DAAM1: variants seen among roughly 807,000 people sequenced by gnomAD.
DAAM1 encodes dishevelled associated activator of morphogenesis 1.
DAAM1 carries 52 observed loss-of-function variants against 130.0 expected under a neutral mutation model. The ratio of observed to expected loss-of-function variants is 0.40; its 90% confidence interval spans 0.32 to 0.50. The LOEUF (loss-of-function observed/expected upper bound fraction) is 0.50. DAAM1 is among the 20% of genes least tolerant of loss of function. The probability of loss-of-function intolerance (pLI) is 0.61; values close to 1 mark genes in which losing one functional copy is unlikely to be tolerated. For synonymous variants in DAAM1, 452 were observed against 444.5 expected, an observed-to-expected ratio of 1.02 and a Z score of -0.21; for missense variants, 1,134 against 1,303.8, an observed-to-expected ratio of 0.87 and a Z score of 2.01.
chr14:59,208,805 T>C (rs1482379304), intron 1 of DAAM1, among the ~76,000 whole-genome samples: 1 of 152,172 alleles, frequency 6.6e-6, no homozygotes, highest in Non-Finnish European at 1.5e-5. Context: ...ACCATCCCCT[T>C]GGTGACGAGT....
At chr14:59,254,788 C>T (rs567722925) in intron 1 of DAAM1, among the ~76,000 whole-genome samples, 79 of 152,326 alleles carry the variant, frequency 5.2e-4, no homozygotes, top group Non-Finnish European at 9.6e-4. Context: ...TATGGTATTA[C>T]GTGACACAGA....
chr14:59,354,062 A>AT (rs10713024), intron 19 of DAAM1, 98 bp downstream of exon 19: 13,651 of 881,084 alleles, frequency 0.015, 61 homozygotes, highest in African/African-American at 0.052. Flanking sequence ...CCCCTTGGTG[A>AT]TTTTTTTTTT....
chr14:59,280,867 G>A (rs185837430), intron 2 of DAAM1, among the ~76,000 whole-genome samples: 1 of 152,152 alleles, frequency 6.6e-6, no homozygotes, highest in Admixed American at 6.5e-5. Context: ...GTGATCAGAG[G>A]TAATAGTTTT....
chr14:59,228,122 TAAGGG>T lies in DAAM1; in HGVS notation c.-37-35315_-37-35311del, dbSNP rs943657057. Among the ~76,000 whole-genome samples, 10 of 152,220 alleles carry T rather than the reference TAAGGG, an allele frequency of 6.6e-5. 1 individual carries two copies. The highest frequency in any genetic ancestry group is 2.4e-4 in the African/African-American group (10 of 41,548). ...ACCACTTTTTTTTTCTTCTAAATCTTAAGGGAAGAAAAAAAATCATAGGCTGTAAT... is the reference window on the plus strand; with the variant it reads ...ACCACTTTTTTTTTCTTCTAAATCTTAAGAAAAAAAATCATAGGCTGTAAT... On this transcript the variant is annotated intron_variant, in intron 1 of 24. Coordinates refer to ENST00000360909, the MANE Select transcript of DAAM1 (RefSeq NM_001270520.2).
Position 59,209,102 on chromosome 14 carries a change from T to A in DAAM1, c.-38+20334T>A, listed in dbSNP as rs1375332759. 3.3e-5 allele frequency among the ~76,000 whole-genome samples: 5 copies of A among 152,366 alleles called. No individual in the cohort carries two copies. The East Asian group carries it at 9.6e-4, about 29-fold the overall frequency. The stretch of plus-strand genomic sequence containing the variant: ...TCCCAATACAGGCATGAAGCTTAGT[T>A]GCGCATGTGCATGTTTCTCCTTTCA... On this transcript the variant is annotated intron_variant, in intron 1 of 24. Coordinates refer to ENST00000360909, the MANE Select transcript of DAAM1 (RefSeq NM_001270520.2).
At chr14:59,300,773 G>A (rs994008840) in intron 3 of DAAM1, among the ~76,000 whole-genome samples, 7 of 151,980 alleles carry the variant, frequency 4.6e-5, no homozygotes, top group South Asian at 2.1e-4. Flanking sequence ...AACTCCATGC[G>A]CATTTATTCC....
intron 3 of DAAM1, among the ~76,000 whole-genome samples, chr14:59,305,285 C>T (rs1024409694): frequency 6.6e-5 from 10 of 152,196 alleles, no homozygotes; most frequent in Non-Finnish European, 5.9e-5. Flanking sequence ...GTCATAGGCA[C>T]AGTGCCTGCC....
At chr14:59,225,504 C>T (rs1227580277) in intron 1 of DAAM1, among the ~76,000 whole-genome samples, 1 of 152,238 alleles carries the variant, frequency 6.6e-6, no homozygotes, top group Admixed American at 6.5e-5. Flanking sequence ...CAAGTTGGGA[C>T]TTGAGCCTCC....
intron 1 of DAAM1, among the ~76,000 whole-genome samples, chr14:59,195,332 A>G (rs1391864123): frequency 6.6e-6 from 1 of 151,772 alleles, no homozygotes; most frequent in African/African-American, 2.4e-5. Context: ...TTTAGTAGAG[A>G]TGGGGTTTCA....
intron 2 of DAAM1, among the ~76,000 whole-genome samples, chr14:59,277,928 C>A (rs1170926792): frequency 6.6e-6 from 1 of 152,134 alleles, no homozygotes; most frequent in East Asian, 1.9e-4. Flanking sequence ...ACCCTCCCCT[C>A]CCCTGTGGAT....
chr14:59,357,710 A>G (rs888166071), intron 20 of DAAM1, among the ~76,000 whole-genome samples: 2 of 152,122 alleles, frequency 1.3e-5, no homozygotes, highest in Non-Finnish European at 2.9e-5. Flanking sequence ...CCCAGAAGGC[A>G]GAGGTTGCAG....
Position 59,353,919 on chromosome 14 carries a change from A to C in DAAM1, c.2311A>C (p.Lys771Gln). 1 of 1,614,138 alleles carries C rather than the reference A, an allele frequency of 6.2e-7. No homozygotes were observed. Among genetic ancestry groups the C allele is most frequent in the Non-Finnish European group, 8.5e-7 (1 of 1,179,986 alleles). Residue 771 changes from lysine (K) to glutamine (Q), a missense_variant, in exon 19 of 25, where the codon AAG becomes CAG. By Grantham distance (53) the Lys-to-Gln change is moderately conservative. This residue lies in a region of DAAM1 where 644 missense variants were observed against 695.9 expected (regional missense o/e 0.93). Coordinates refer to ENST00000360909, the MANE Select transcript of DAAM1 (RefSeq NM_001270520.2). ...AAGGTTGCAATCGCTGTACTTCAAA[A>C]AGAAGTTTGCAGAGCGTGTGGCAGA... The part of the protein sequence containing the change: ...QQRLQSLYFK[K>Q]KFAERVAEVK...
At chr14:59,366,528 T>A (rs563931074) in intron 23 of DAAM1, among the ~76,000 whole-genome samples, 1 of 152,322 alleles carries the variant, frequency 6.6e-6, no homozygotes, top group South Asian at 2.1e-4. Flanking sequence ...CTGCTGAGTT[T>A]GCTATTAGTT....
intron 2 of DAAM1, among the ~76,000 whole-genome samples, chr14:59,284,219 G>T (rs1408820877): frequency 1.3e-5 from 2 of 152,082 alleles, no homozygotes; most frequent in Non-Finnish European, 1.5e-5. Context: ...GAGGTTATTA[G>T]GACATAAGTG....
intron 16 of DAAM1, among the ~76,000 whole-genome samples, chr14:59,340,393 A>G (rs1885798920): frequency 6.6e-6 from 1 of 152,146 alleles, no homozygotes; most frequent in African/African-American, 2.4e-5. Flanking sequence ...TTTAATTTCC[A>G]CAGACCTCTA....
intron 1 of DAAM1, among the ~76,000 whole-genome samples, chr14:59,252,828 A>G (rs890448091): frequency 4.6e-5 from 7 of 152,204 alleles, no homozygotes; most frequent in Admixed American, 3.3e-4. Flanking sequence ...GAGACAGAGC[A>G]TCTCATTTAA....
At chr14:59,284,789 A>G (rs1052841314) in intron 2 of DAAM1, among the ~76,000 whole-genome samples, 1 of 152,164 alleles carries the variant, frequency 6.6e-6, no homozygotes, top group African/African-American at 2.4e-5. Context: ...GAATGTAAAA[A>G]AAGAATGAAA....
chr14:59,272,636 C>T (rs61986050), intron 2 of DAAM1, among the ~76,000 whole-genome samples: 21 of 118,878 alleles, frequency 1.8e-4, no homozygotes, highest in Non-Finnish European at 2.8e-4. Flanking sequence ...CACACATACA[C>T]ACATATATAT....
In DAAM1 at chr14:59,369,701, A is replaced by T. The variant is rs1411315433; in HGVS notation, c.*842A>T. ...GATATATAAACCTTAAAAATAATAAAATATCTCACCCAAGACTTAAAGGAA... is the reference window on the plus strand; with the variant it reads ...GATATATAAACCTTAAAAATAATAATATATCTCACCCAAGACTTAAAGGAA... On this transcript the variant is annotated 3_prime_UTR_variant, in exon 25 of 25. Coordinates refer to ENST00000360909, the MANE Select transcript of DAAM1 (RefSeq NM_001270520.2). 7 of 150,618 alleles carry T rather than the reference A, an allele frequency of 4.6e-5. No individual in the cohort carries two copies. The highest frequency in any genetic ancestry group is 1.5e-5 in the Non-Finnish European group (1 of 67,750). 9.3% of individuals were successfully genotyped at this position (150,618 alleles called of 1,614,324 possible).
Sources: gnomAD v4.1 joint callset for allele counts (sites outside exome capture counted in the v4.1 genomes callset) on GRCh38, gnomAD v4.1.1 for gene constraint, gnomAD v4.1.1 regional missense constraint, MANE v1.5 for transcripts, NCBI Gene and HGNC (gene_info 2026-07-23, HGNC 2026-07-21) for gene names.